Variants in SF3B3 observed in about 807,000 individuals in gnomAD.
SF3B3 encodes SAP 130.
Under a neutral mutation model 139.2 loss-of-function variants are expected in SF3B3, and 33 were observed. That is an observed-to-expected ratio of 0.24 (90% CI 0.18 to 0.32). The LOEUF (loss-of-function observed/expected upper bound fraction) is 0.32. Ranked by LOEUF, SF3B3 falls within the 10% of genes least tolerant of loss-of-function variation. SF3B3 has a pLI of 1.00. For missense variants in SF3B3, 818 were observed against 1,509.4 expected (o/e 0.54, Z 7.59); for synonymous variants, 596 against 563.6 (o/e 1.06, Z -0.81).
chr16:70,530,965 T>C, intron 4 of SF3B3, 48 bp downstream of exon 4: 1 of 1,533,908 alleles, frequency 6.5e-7, no homozygotes, highest in Non-Finnish European at 8.8e-7. Flanking sequence ...ACCTCAGTGT[T>C]TTTTTTTAAG....
Position 70,541,796 on chromosome 16 carries a change from G to C in SF3B3, c.1195G>C (p.Asp399His). Reference protein sequence around the residue: ...PRPLKNLVLVDELDSLSPILF... With the variant: ...PRPLKNLVLVHELDSLSPILF... ...ACCACTTAAAAACCTTGTGCTGGTTGATGAGTTGGACAGCCTCTCTCCCAT... is the reference window on the plus strand; with the variant it reads ...ACCACTTAAAAACCTTGTGCTGGTTCATGAGTTGGACAGCCTCTCTCCCAT... The change falls in exon 9 of 26, where the codon GAT (aspartate) becomes CAT (histidine). Residue 399 changes from aspartate to histidine, a missense_variant. By Grantham distance (81) the Asp-to-His change is moderately conservative (BLOSUM62 -1). Transcript: ENST00000302516. The C allele has an allele frequency of 6.2e-7, 1 of 1,614,154 alleles. No homozygotes were observed. Among genetic ancestry groups the C allele is most frequent in the East Asian group, 2.2e-5 (1 of 44,884 alleles).
rs772351093 is a variant in SF3B3 at position 70,571,824 on chromosome 16, C to T, written c.*11C>T. 1 of 1,606,816 alleles carries T rather than the reference C, an allele frequency of 6.2e-7. No homozygotes were observed. Among genetic ancestry groups the T allele is most frequent in the South Asian group, 1.1e-5 (1 of 90,596 alleles). On this transcript the variant is annotated 3_prime_UTR_variant, in exon 26 of 26. Coordinates refer to ENST00000302516, the MANE Select transcript of SF3B3 (RefSeq NM_012426.5). Reference sequence around the variant, plus strand: ...CGCTACGCCTTCTGAGCCCTCCTTTCCCGGTGGGGCTTGCCAGAGACTGTG... The same window carrying T: ...CGCTACGCCTTCTGAGCCCTCCTTTTCCGGTGGGGCTTGCCAGAGACTGTG...
At chr16:70,536,835 G>T (rs2050173488) in intron 6 of SF3B3, among the ~76,000 whole-genome samples, 1 of 144,632 alleles carries the variant, frequency 6.9e-6, no homozygotes, top group Admixed American at 7.0e-5. Flanking sequence ...TTTTAAGATG[G>T]TGTCTTGCTC....
At chr16:70,527,649 A>G (rs372227902) in intron 2 of SF3B3, among the ~76,000 whole-genome samples, 17 of 152,348 alleles carry the variant, frequency 1.1e-4, no homozygotes, top group Middle Eastern at 3.4e-3. Flanking sequence ...GTATATGGGA[A>G]TTTGGAGATT....
Position 70,526,606 on chromosome 16 carries a change from G to T in SF3B3, c.-51G>T, listed in dbSNP as rs1488904087. 1 of 1,318,284 alleles carries T rather than the reference G, an allele frequency of 7.6e-7. No homozygotes were observed. The allele number at this position is 1,318,284 out of a possible 1,614,324, so 81.7% of individuals were successfully genotyped here. ...TCTTAGCTTTCTTGGACTCCGTACT[G>T]TTGGTGTAACCAAGGCCTGGAGGTC... On this transcript the variant is annotated 5_prime_UTR_variant, in exon 2 of 26. Transcript: ENST00000302516.
intron 12 of SF3B3, 101 bp from the exon 13 acceptor site, chr16:70,554,950 C>T (rs746441117): frequency 4.2e-5 from 48 of 1,137,408 alleles, no homozygotes; most frequent in Non-Finnish European, 4.5e-5. Context: ...AATGCAGTGG[C>T]CCCAGGTCTG....
intron 10 of SF3B3, 107 bp downstream of exon 10, chr16:70,544,640 GA>G: frequency 1.5e-6 from 1 of 685,900 alleles, no homozygotes; most frequent in South Asian, 1.8e-5. Context: ...AGGTGTCTGT[GA>G]AAAAGTATGT....
At chr16:70,545,182 C>T (rs986219165) in intron 10 of SF3B3, among the ~76,000 whole-genome samples, 3 of 152,144 alleles carry the variant, frequency 2.0e-5, no homozygotes, top group Non-Finnish European at 4.4e-5. Flanking sequence ...CCTCCCACCT[C>T]AGCCTCCTGA....
intron 9 of SF3B3, among the ~76,000 whole-genome samples, chr16:70,543,822 T>C (rs1396814556): frequency 6.6e-6 from 1 of 151,932 alleles, no homozygotes; most frequent in East Asian, 1.9e-4. Flanking sequence ...GGATCCGATC[T>C]GAATAATGTT....
chr16:70,526,177 C>T (rs2050061842), intron 1 of SF3B3, among the ~76,000 whole-genome samples: 1 of 151,682 alleles, frequency 6.6e-6, no homozygotes, highest in African/African-American at 2.4e-5. Context: ...TACTAATGAC[C>T]TTGGATTTCT....
At chr16:70,568,197 C>A in intron 21 of SF3B3, 86 bp from the exon 22 acceptor site, 1 of 1,011,022 alleles carries the variant, frequency 9.9e-7, no homozygotes, top group Non-Finnish European at 1.6e-6. Flanking sequence ...GCTGACCCTA[C>A]GTATGTCATA....
rs1267004381 is a variant in SF3B3, at chr16:70,575,435, G to C, written c.*3622G>C. ...GCTGGTTTCGAACTCGTGACCTCAGGTGATCCACCCACCTTGGTCTCCCAA... is the reference window on the plus strand; with the variant it reads ...GCTGGTTTCGAACTCGTGACCTCAGCTGATCCACCCACCTTGGTCTCCCAA... On this transcript the variant is annotated 3_prime_UTR_variant, in exon 26 of 26. Transcript: ENST00000302516. The C allele has an allele frequency of 3.3e-5, 5 of 152,236 alleles. No individual in the cohort carries two copies. Among genetic ancestry groups the C allele is most frequent in the African/African-American group, 4.8e-5 (2 of 41,398 alleles). 9.4% of individuals were successfully genotyped at this position (152,236 alleles called of 1,614,324 possible).
intron 13 of SF3B3, among the ~76,000 whole-genome samples, chr16:70,555,582 A>C (rs2050373068): frequency 6.6e-6 from 1 of 151,844 alleles, no homozygotes; most frequent in African/African-American, 2.4e-5. Flanking sequence ...GTCTAATTCT[A>C]GGTAGAGTTA....
chr16:70,527,226 C>T (rs190678573), intron 2 of SF3B3, among the ~76,000 whole-genome samples: 5 of 152,222 alleles, frequency 3.3e-5, no homozygotes, highest in African/African-American at 9.6e-5. Context: ...AATTTGCTTA[C>T]GTTTACCATG....
At chr16:70,525,664 A>G (rs1367808962) in intron 1 of SF3B3, among the ~76,000 whole-genome samples, 1 of 152,002 alleles carries the variant, frequency 6.6e-6, no homozygotes, top group Non-Finnish European at 1.5e-5. Flanking sequence ...CTAGAACGTT[A>G]AACATATACC....
intron 5 of SF3B3, among the ~76,000 whole-genome samples, chr16:70,534,360 T>C (rs2050147463): frequency 1.3e-5 from 2 of 152,194 alleles, no homozygotes. Flanking sequence ...GGATTCTAAG[T>C]AGGGAAATAA....
chr16:70,542,368 G>A (rs1206795698), intron 9 of SF3B3, among the ~76,000 whole-genome samples: 1 of 152,210 alleles, frequency 6.6e-6, no homozygotes, highest in South Asian at 2.1e-4. Flanking sequence ...GAGACATTGG[G>A]ATCAGTTGGT....
chr16:70,565,050 T>G lies in SF3B3; in HGVS notation c.2464-15T>G. The G allele has an allele frequency of 6.2e-7, 1 of 1,611,774 alleles. No individual in the cohort carries two copies. The highest frequency in any genetic ancestry group is 2.2e-5 in the East Asian group (1 of 44,876). Reference sequence around the variant, plus strand: ...CTGAGCACGCCAACTCAGTTACTCGTTTTTTTGGGTTTAGGAAATGGTGGA... The same window carrying G: ...CTGAGCACGCCAACTCAGTTACTCGGTTTTTTGGGTTTAGGAAATGGTGGA... On this transcript the variant is annotated splice_polypyrimidine_tract_variant and intron_variant, in intron 18 of 25. Transcript: ENST00000302516.
chr16:70,557,851 A>G (rs2050392492), intron 15 of SF3B3, among the ~76,000 whole-genome samples: 1 of 152,188 alleles, frequency 6.6e-6, no homozygotes. Flanking sequence ...TGTAGTTCCA[A>G]CAGATGTCTG....
Sources: gnomAD v4.1 joint callset for allele counts (sites outside exome capture counted in the v4.1 genomes callset) on GRCh38, gnomAD v4.1.1 for gene constraint, MANE v1.5 for transcripts, NCBI Gene and HGNC (gene_info 2026-07-23, HGNC 2026-07-21) for gene names.